Variants in CNNM2 observed in about 807,000 individuals in gnomAD.
CNNM2 encodes metal transporter CNNM2.
In CNNM2, 12 loss-of-function variants were observed where a neutral mutation model predicts 66.9. The ratio of observed to expected loss-of-function variants is 0.18; its 90% CI spans 0.11 to 0.29. CNNM2 has a LOEUF of 0.29. CNNM2 is among the 10% of genes least tolerant of loss of function. The pLI, the probability that CNNM2 is intolerant of heterozygous loss-of-function variation, is 1.00. For synonymous variants in CNNM2, 557 were observed against 501.8 expected (o/e 1.11, Z -1.47); for missense variants, 705 against 1,167.7 (o/e 0.60, Z 5.77).
rs2065786813 is a variant in CNNM2, at chr10:103,084,684, T to C, written c.*7504T>C. Reference sequence around the variant, plus strand: ...CCTGCATCCTCAGAGTGCGCACACATCCGCTCATTTCTAAGCTTTATCGTG... The same window carrying C: ...CCTGCATCCTCAGAGTGCGCACACACCCGCTCATTTCTAAGCTTTATCGTG... On this transcript the variant is annotated 3_prime_UTR_variant, in exon 8 of 8. Coordinates refer to ENST00000369878, the MANE Select transcript of CNNM2 (RefSeq NM_017649.5). The C allele has an allele frequency of 6.6e-6, 1 of 152,160 alleles. No individual in the cohort carries two copies. The highest frequency in any genetic ancestry group is 1.5e-5 in the Non-Finnish European group (1 of 68,028). 9.4% of individuals were successfully genotyped at this position (152,160 alleles called of 1,614,324 possible).
chr10:103,057,408 G>A, intron 4 of CNNM2, among the ~76,000 whole-genome samples: 1 of 151,834 alleles, frequency 6.6e-6, no homozygotes, highest in East Asian at 1.9e-4. Context: ...GAGCCCAGGA[G>A]GTTGCCATGT....
intron 1 of CNNM2, among the ~76,000 whole-genome samples, chr10:102,920,376 ATT>A (rs752188951): frequency 2.1e-5 from 3 of 143,348 alleles, no homozygotes; most frequent in African/African-American, 2.5e-5. Context: ...ACACTTATTT[ATT>A]TTTTTTTTTT....
In CNNM2 at chr10:103,076,152, G is replaced by A. The variant is rs752353534; in HGVS notation, c.2300G>A (p.Arg767Gln). Residue 767 changes from arginine to glutamine, a missense_variant, in exon 7 of 8, where the codon CGG becomes CAG. Physicochemically the swap from Arg to Gln is conservative, Grantham distance 43. Coordinates refer to ENST00000369878, the MANE Select transcript of CNNM2 (RefSeq NM_017649.5). ...TCAGACTCTCTCAGTCGAAGCGACC[G>A]GATTGACGCCGTCACACCAACACTG... ...NHSDSLSRSD[R>Q]IDAVTPTLGS... is the part of the protein sequence containing the mutation. 8.7e-6 allele frequency: 14 copies of A among 1,609,128 alleles called. No homozygotes were observed. The highest frequency in any genetic ancestry group is 2.2e-5 in the East Asian group (1 of 44,724).
At chr10:102,939,133 A>G (rs1469962138) in intron 1 of CNNM2, among the ~76,000 whole-genome samples, 1 of 152,186 alleles carries the variant, frequency 6.6e-6, no homozygotes, top group Admixed American at 6.6e-5. Flanking sequence ...GACATGGTGT[A>G]GGTAGGATCT....
chr10:102,971,922 G>A (rs1040523972), intron 1 of CNNM2, among the ~76,000 whole-genome samples: 2 of 152,038 alleles, frequency 1.3e-5, no homozygotes, highest in Non-Finnish European at 2.9e-5. Context: ...TTAGCCACTT[G>A]TACTTCTATG....
In CNNM2 at chr10:102,960,837, G is replaced by T. The variant is rs149260213; in HGVS notation, c.1621+40736G>T. Among the ~76,000 whole-genome samples, 5 of 144,152 alleles carry T rather than the reference G, an allele frequency of 3.5e-5. No homozygotes were observed. In the East Asian group the frequency reaches 1.0e-3, roughly 30 times the overall value. 94.6% of individuals were successfully genotyped at this position (144,152 alleles called of 152,430 possible). On this transcript the variant is annotated intron_variant, in intron 1 of 7. Coordinates refer to ENST00000369878, the MANE Select transcript of CNNM2 (RefSeq NM_017649.5). ...AGTCCTGCTCCGTCGCCCAGGTGGA[G>T]CGCAGTGGCATGATCTTGGCTTACT...
At position 103,077,080 on chromosome 10, in the gene CNNM2, A is replaced by G; in HGVS notation, c.2528A>G (p.His843Arg). 2 of 1,614,018 alleles carry G rather than the reference A, an allele frequency of 1.2e-6. No homozygotes were observed. The highest frequency in any genetic ancestry group is 1.7e-6 in the Non-Finnish European group (2 of 1,179,896). ...ATCGAATTGACTCTTACGGAGCTGC[A>G]TGACGGGTTGCCAGACGAGACAGCC... ...TKIELTLTEL[H>R]DGLPDETANL... The change falls in exon 8 of 8, where the codon CAT becomes CGT. Residue 843 changes from histidine to arginine, a missense_variant. Physicochemically the swap from His to Arg is conservative, Grantham distance 29. This residue lies in a region of CNNM2 where 194 missense variants were observed against 227.6 expected (regional missense o/e 0.85). Transcript: ENST00000369878.
intron 1 of CNNM2, among the ~76,000 whole-genome samples, chr10:102,960,783 C>CT (rs1183182236): frequency 0.029 from 2,853 of 97,800 alleles, 94 homozygotes; most frequent in Non-Finnish European, 0.039. Context: ...CCATACCTGG[C>CT]TTTTTTTTTT....
At chr10:102,975,605 G>A (rs2063616671) in intron 1 of CNNM2, among the ~76,000 whole-genome samples, 1 of 151,960 alleles carries the variant, frequency 6.6e-6, no homozygotes, top group South Asian at 2.1e-4. Flanking sequence ...GTCTTCATAA[G>A]CCCAAATTAA....
At chr10:102,939,569 C>T (rs1227530128) in intron 1 of CNNM2, among the ~76,000 whole-genome samples, 1 of 152,122 alleles carries the variant, frequency 6.6e-6, no homozygotes, top group Non-Finnish European at 1.5e-5. Flanking sequence ...CCTTCCATTT[C>T]TAATTGAGCA....
chr10:102,996,071 G>A (rs572839276), intron 1 of CNNM2, among the ~76,000 whole-genome samples: 12 of 152,206 alleles, frequency 7.9e-5, no homozygotes, highest in Admixed American at 3.9e-4. Flanking sequence ...TAGAATTATC[G>A]TATTATCCTA....
rs964383457 is a variant in CNNM2, at chr10:103,080,275, C to G, written c.*3095C>G. 2.0e-5 allele frequency: 3 copies of G among 152,206 alleles called. No homozygotes were observed. The highest frequency in any genetic ancestry group is 2.0e-4 in the Admixed American group (3 of 15,276). The allele number at this position is 152,206 out of a possible 1,614,324, so 9.4% of individuals were successfully genotyped here. The stretch of plus-strand genomic sequence containing the variant: ...CCCACGGTTCCTCTGAAACTAAATC[C>G]CTAGCATCCAGATAGTCCTGGGACA... On this transcript the variant is annotated 3_prime_UTR_variant, in exon 8 of 8. Transcript: ENST00000369878.
intron 1 of CNNM2, among the ~76,000 whole-genome samples, chr10:102,981,623 G>C (rs1400266017): frequency 6.6e-6 from 1 of 151,692 alleles, no homozygotes; most frequent in Non-Finnish European, 1.5e-5. Context: ...GAACTCCTGA[G>C]CTCAAGCGAT....
At chr10:102,966,024 GA>G (rs1367706055) in intron 1 of CNNM2, among the ~76,000 whole-genome samples, 3 of 152,186 alleles carry the variant, frequency 2.0e-5, no homozygotes, top group African/African-American at 4.8e-5. Context: ...TATGCTGGTT[GA>G]AATTTGGGTT....
chr10:103,036,331 A>G (rs999349238), intron 1 of CNNM2, among the ~76,000 whole-genome samples: 2 of 152,214 alleles, frequency 1.3e-5, no homozygotes, highest in Non-Finnish European at 2.9e-5. Context: ...GAAAGTCTTA[A>G]GGCCCGGCTT....
chr10:103,087,237 A>G lies in CNNM2; in HGVS notation c.*10057A>G, dbSNP rs2065833394. The G allele has an allele frequency of 6.9e-6, 1 of 143,970 alleles. No homozygotes were observed. Among genetic ancestry groups the G allele is most frequent in the East Asian group, 2.1e-4 (1 of 4,814 alleles). 8.9% of individuals were successfully genotyped at this position (143,970 alleles called of 1,614,324 possible). The stretch of plus-strand genomic sequence containing the variant: ...TACTGGCAACAGAGAGAAAACTCAT[A>G]ATTTGTTTTAAAAAGCCCAGTTACA... On this transcript the variant is annotated 3_prime_UTR_variant, in exon 8 of 8. Transcript: ENST00000369878.
At chr10:102,935,943 G>T (rs964752018) in intron 1 of CNNM2, among the ~76,000 whole-genome samples, 1 of 151,662 alleles carries the variant, frequency 6.6e-6, no homozygotes, top group African/African-American at 2.4e-5. Context: ...TGAGGTTTTT[G>T]GGTTCCAGGT....
chr10:103,059,287 A>G (rs1183336642), intron 4 of CNNM2, among the ~76,000 whole-genome samples: 1 of 152,164 alleles, frequency 6.6e-6, no homozygotes, highest in African/African-American at 2.4e-5. Flanking sequence ...ACTGCATTTC[A>G]AGAGCACTAA....
At chr10:102,985,716 A>G (rs751004632) in intron 1 of CNNM2, among the ~76,000 whole-genome samples, 4 of 152,236 alleles carry the variant, frequency 2.6e-5, no homozygotes, top group Non-Finnish European at 4.4e-5. Context: ...TTTTGTTTAC[A>G]TGACCAGCTC....
Sources: allele counts gnomAD v4.1 joint callset (sites outside exome capture counted in the v4.1 genomes callset), GRCh38; gene constraint gnomAD v4.1.1; regional missense constraint gnomAD v4.1.1; transcripts MANE v1.5; gene names NCBI Gene and HGNC (gene_info 2026-07-23, HGNC 2026-07-21).